SLC24A2: variants seen among roughly 807,000 people sequenced by gnomAD.
The protein encoded by SLC24A2 is solute carrier family 24 member 2, also known as sodium/potassium/calcium exchanger 2.
SLC24A2 carries 36 observed loss-of-function variants against 62.0 expected under a neutral mutation model. The ratio of observed to expected loss-of-function variants is 0.58; its 90% CI spans 0.44 to 0.77. SLC24A2 has a LOEUF of 0.77. SLC24A2 is among the 30% of genes least tolerant of loss of function. The probability of loss-of-function intolerance (pLI) is 0.00; values close to 1 mark genes in which losing one functional copy is unlikely to be tolerated. For missense variants in SLC24A2, 846 were observed against 817.9 expected, an observed-to-expected ratio of 1.03 and a Z score of -0.42; for synonymous variants, 358 against 294.0, an observed-to-expected ratio of 1.22 and a Z score of -2.23.
chr9:19,694,610 C>T (rs746429034), intron 2 of SLC24A2, among the ~76,000 whole-genome samples: 8 of 152,046 alleles, frequency 5.3e-5, no homozygotes, highest in Non-Finnish European at 1.0e-4. Flanking sequence ...AATTCATATA[C>T]GGAGAAATGC....
the SLC24A2 span, among the ~76,000 whole-genome samples, chr9:20,292,652 T>A: frequency 6.6e-6 from 1 of 152,218 alleles, no homozygotes; most frequent in Admixed American, 6.5e-5. Context: ...GTCACTCAGG[T>A]TGGAGTGCAA....
chr9:19,676,736 A>G (rs1033594231), intron 2 of SLC24A2, among the ~76,000 whole-genome samples: 6 of 152,206 alleles, frequency 3.9e-5, no homozygotes, highest in African/African-American at 9.6e-5. Flanking sequence ...AACGGATACA[A>G]TTTTGTCCAC....
chr9:19,640,975 G>C (rs1205509530), intron 2 of SLC24A2, among the ~76,000 whole-genome samples: 1 of 152,206 alleles, frequency 6.6e-6, no homozygotes, highest in Non-Finnish European at 1.5e-5. Context: ...ATGACTGATA[G>C]GATTTGATTT....
chr9:19,659,654 C>A (rs4977233), intron 2 of SLC24A2, among the ~76,000 whole-genome samples: 74,705 of 151,912 alleles, frequency 0.49, 19,083 homozygotes, highest in East Asian at 0.85. Context: ...TTTAACCTGA[C>A]GACTAGGGCT....
chr9:20,259,037 A>C, the SLC24A2 span, among the ~76,000 whole-genome samples: 1 of 152,194 alleles, frequency 6.6e-6, no homozygotes, highest in South Asian at 2.1e-4. Context: ...GGAGAGAGTC[A>C]GAGGGAAATG....
At chr9:20,144,176 A>C in the SLC24A2 span, among the ~76,000 whole-genome samples, 1 of 152,214 alleles carries the variant, frequency 6.6e-6, no homozygotes, top group Non-Finnish European at 1.5e-5. Context: ...TGGACCCTCT[A>C]TGAAAACCCA....
chr9:19,538,285 T>A (rs558556765), intron 8 of SLC24A2, among the ~76,000 whole-genome samples: 2 of 144,464 alleles, frequency 1.4e-5, no homozygotes, highest in South Asian at 4.5e-4. Context: ...TTGTGCCAGT[T>A]TTCAAAGGGA....
At chr9:19,920,098 T>C in the SLC24A2 span, among the ~76,000 whole-genome samples, 2 of 152,162 alleles carry the variant, frequency 1.3e-5, no homozygotes, top group Admixed American at 6.5e-5. Flanking sequence ...TAATTTGGGG[T>C]CCTTGATATA....
the SLC24A2 span, among the ~76,000 whole-genome samples, chr9:20,158,690 A>G: frequency 6.6e-6 from 1 of 151,724 alleles, no homozygotes; most frequent in African/African-American, 2.4e-5. Context: ...AAGAATAAAA[A>G]ATGAGAAAAG....
chr9:19,999,942 G>C, the SLC24A2 span, among the ~76,000 whole-genome samples: 1 of 152,136 alleles, frequency 6.6e-6, no homozygotes, highest in South Asian at 2.1e-4. Context: ...CCCAGTTCAG[G>C]GTCTTAATGG....
the SLC24A2 span, among the ~76,000 whole-genome samples, chr9:20,299,485 G>A: frequency 1.3e-5 from 2 of 152,192 alleles, no homozygotes; most frequent in Non-Finnish European, 2.9e-5. Context: ...GATGCCCATC[G>A]AACATGATCA....
chr9:19,984,906 G>C, the SLC24A2 span, among the ~76,000 whole-genome samples: 2 of 151,908 alleles, frequency 1.3e-5, no homozygotes, highest in African/African-American at 4.8e-5. Flanking sequence ...GAGTATATGG[G>C]AACTTGTAAT....
intron 6 of SLC24A2, among the ~76,000 whole-genome samples, 175 bp from the exon 7 acceptor site, chr9:19,573,644 G>C (rs1011599996): frequency 6.6e-6 from 1 of 152,010 alleles, no homozygotes; most frequent in Admixed American, 6.6e-5. Flanking sequence ...GTGTCCCAGG[G>C]GCGATAAGGC....
the SLC24A2 span, among the ~76,000 whole-genome samples, chr9:19,975,695 T>A: frequency 1.3e-5 from 2 of 152,216 alleles, no homozygotes; most frequent in Non-Finnish European, 2.9e-5. Context: ...TATCTCTAAA[T>A]CTGGTTCCAA....
At chr9:19,547,265 G>T (rs1563952807) in intron 8 of SLC24A2, among the ~76,000 whole-genome samples, 1 of 152,078 alleles carries the variant, frequency 6.6e-6, no homozygotes, top group Non-Finnish European at 1.5e-5. Flanking sequence ...TCCATTCCAG[G>T]GCTAGCACTT....
chr9:19,792,745 T>C (rs181271498), upstream of SLC24A2, among the ~76,000 whole-genome samples: 18 of 152,046 alleles, frequency 1.2e-4, no homozygotes, highest in African/African-American at 4.3e-4. Flanking sequence ...CAGAAAGTTG[T>C]GGGCAACCCA....
chr9:20,016,518 G>C, the SLC24A2 span, among the ~76,000 whole-genome samples: 1 of 152,136 alleles, frequency 6.6e-6, no homozygotes, highest in East Asian at 1.9e-4. Flanking sequence ...CTACCAAAAA[G>C]GATTTGAGGT....
chr9:20,178,631 C>T, the SLC24A2 span, among the ~76,000 whole-genome samples: 1 of 152,122 alleles, frequency 6.6e-6, no homozygotes, highest in South Asian at 2.1e-4. Context: ...TGAAAAACTG[C>T]TGATAAGGAG....
At chr9:19,820,166 A>T in the SLC24A2 span, among the ~76,000 whole-genome samples, 1 of 149,530 alleles carries the variant, frequency 6.7e-6, no homozygotes, top group South Asian at 2.1e-4. Context: ...CTATTATTCT[A>T]AGTGAAGTAA....
Sources: gnomAD v4.1 joint callset for allele counts (sites outside exome capture counted in the v4.1 genomes callset) on GRCh38, gnomAD v4.1.1 for gene constraint, MANE v1.5 for transcripts, NCBI Gene and HGNC (gene_info 2026-07-23, HGNC 2026-07-21) for gene names.